Variants in YEATS4 observed in about 807,000 individuals in gnomAD.
YEATS4 encodes the protein YEATS domain containing 4.
In YEATS4, 17 loss-of-function variants were observed where a neutral mutation model predicts 30.1. The observed-to-expected ratio is 0.56, with a 90% CI of 0.39 to 0.85. The LOEUF is 0.85. Ranked by LOEUF, YEATS4 falls within the 40% of genes least tolerant of loss-of-function variation. The pLI, the probability that YEATS4 is intolerant of heterozygous loss-of-function variation, is 0.00. For synonymous variants in YEATS4, 85 were observed against 87.5 expected, an observed-to-expected ratio of 0.97 and a Z score of 0.16; for missense variants, 142 against 268.3, an observed-to-expected ratio of 0.53 and a Z score of 3.29.
chr12:69,387,745 T>C (rs1868268839), intron 6 of YEATS4, among the ~76,000 whole-genome samples: 1 of 152,202 alleles, frequency 6.6e-6, no homozygotes, highest in South Asian at 2.1e-4. Context: ...ATGCTTTGTA[T>C]ATCAGCAGAC....
intron 6 of YEATS4, among the ~76,000 whole-genome samples, chr12:69,381,045 T>G (rs1381713123): frequency 6.6e-6 from 1 of 152,206 alleles, no homozygotes; most frequent in South Asian, 2.1e-4. Flanking sequence ...ATATTGTCAT[T>G]GATAACATCT....
chr12:69,378,763 G>T (rs189472649), intron 6 of YEATS4, among the ~76,000 whole-genome samples: 1 of 151,864 alleles, frequency 6.6e-6, no homozygotes, highest in East Asian at 1.9e-4. Flanking sequence ...ATTTTTGATC[G>T]GTTCATCTTT....
At chr12:69,378,207 T>C (rs1875940745) in intron 6 of YEATS4, among the ~76,000 whole-genome samples, 1 of 152,158 alleles carries the variant, frequency 6.6e-6, no homozygotes, top group Non-Finnish European at 1.5e-5. Flanking sequence ...TTCATTTGCA[T>C]GCAATATCTT....
the YEATS4 span, among the ~76,000 whole-genome samples, chr12:69,397,030 C>T: frequency 1.3e-5 from 2 of 152,104 alleles, no homozygotes; most frequent in Admixed American, 6.6e-5. Context: ...CATGTAAAAG[C>T]GTGTTGAATG....
the YEATS4 span, among the ~76,000 whole-genome samples, chr12:69,402,036 G>A: frequency 2.6e-5 from 4 of 152,282 alleles, no homozygotes; most frequent in South Asian, 4.1e-4. Flanking sequence ...AAGAGGAGGC[G>A]TTAGTCTTGT....
At chr12:69,421,028 G>GT in the YEATS4 span, among the ~76,000 whole-genome samples, 1 of 152,026 alleles carries the variant, frequency 6.6e-6, no homozygotes, top group Non-Finnish European at 1.5e-5. Context: ...CCACATTTTG[G>GT]TTTTTGTTTT....
At chr12:69,425,198 C>T in the YEATS4 span, among the ~76,000 whole-genome samples, 1 of 152,170 alleles carries the variant, frequency 6.6e-6, no homozygotes, top group Non-Finnish European at 1.5e-5. Context: ...GCTGGGGTTA[C>T]AGGCATGAGC....
At chr12:69,372,301 T>C (rs938957994) in intron 6 of YEATS4, among the ~76,000 whole-genome samples, 3 of 152,210 alleles carry the variant, frequency 2.0e-5, no homozygotes, top group Non-Finnish European at 4.4e-5. Flanking sequence ...AAATGAGATA[T>C]CGATCACCTC....
chr12:69,363,023 TG>T (rs1875289168), intron 2 of YEATS4, 116 bp downstream of exon 2: 1 of 1,001,596 alleles, frequency 1.0e-6, no homozygotes, highest in Non-Finnish European at 1.3e-6. Context: ...GATGGAGTCT[TG>T]CTCTGTCGCC....
At chr12:69,377,011 AATG>A (rs1273590488) in intron 6 of YEATS4, among the ~76,000 whole-genome samples, 1 of 152,184 alleles carries the variant, frequency 6.6e-6, no homozygotes, top group African/African-American at 2.4e-5. Context: ...AGTGGCCACT[AATG>A]ATCCTTTGAA....
At chr12:69,371,080 T>A in intron 6 of YEATS4, 105 bp downstream of exon 6, 1 of 1,084,634 alleles carries the variant, frequency 9.2e-7, no homozygotes, top group Non-Finnish European at 1.3e-6. Context: ...AATAGGTAAG[T>A]TTTTTAGGTG....
chr12:69,383,379 C>T (rs1876154305), intron 6 of YEATS4, among the ~76,000 whole-genome samples: 2 of 152,020 alleles, frequency 1.3e-5, no homozygotes, highest in African/African-American at 4.8e-5. Flanking sequence ...GAAGTGTAGG[C>T]TGGAGACATA....
intron 6 of YEATS4, among the ~76,000 whole-genome samples, chr12:69,373,912 C>T (rs1000338295): frequency 6.6e-6 from 1 of 152,106 alleles, no homozygotes; most frequent in African/African-American, 2.4e-5. Flanking sequence ...ATTCTTGGCA[C>T]CTTTGTCAAA....
At chr12:69,395,680 A>G (rs1868346650), downstream of YEATS4, among the ~76,000 whole-genome samples, 1 of 152,240 alleles carries the variant, frequency 6.6e-6, no homozygotes, top group Non-Finnish European at 1.5e-5. Context: ...GGAAAAACAG[A>G]TGTCTTGATT....
At chr12:69,385,203 A>G (rs1351822912) in intron 6 of YEATS4, among the ~76,000 whole-genome samples, 3 of 150,798 alleles carry the variant, frequency 2.0e-5, no homozygotes, top group Non-Finnish European at 3.0e-5. Flanking sequence ...TTGTAGGGGC[A>G]GGTTTCTCCA....
chr12:69,369,736 T>A (rs914820717), intron 4 of YEATS4, among the ~76,000 whole-genome samples: 1 of 152,218 alleles, frequency 6.6e-6, no homozygotes. Context: ...TCATGCTCTC[T>A]TATTTTGCTG....
chr12:69,416,445 A>G, the YEATS4 span, among the ~76,000 whole-genome samples: 1 of 152,222 alleles, frequency 6.6e-6, no homozygotes, highest in Non-Finnish European at 1.5e-5. Context: ...AAATTCCAGA[A>G]CTCAACAACA....
rs569965993 is a variant in YEATS4, at chr12:69,360,102, T to C, written c.51+79T>C. On this transcript the variant is annotated intron_variant, in intron 1 of 6. Coordinates refer to ENST00000247843, the MANE Select transcript of YEATS4 (RefSeq NM_006530.4). The stretch of plus-strand genomic sequence containing the variant: ...CCTGCGCGGCGCGGGGAGGGCCCAC[T>C]GGGTTTCCTTTCGCGCCTTTTCTCC... The C allele has an allele frequency of 2.7e-6, 4 of 1,501,020 alleles. No individual in the cohort carries two copies. In the African/African-American group the frequency reaches 5.6e-5, roughly 21 times the overall value. The allele number at this position is 1,501,020 out of a possible 1,614,324, so 93.0% of individuals were successfully genotyped here.
At chr12:69,426,002 A>G in the YEATS4 span, among the ~76,000 whole-genome samples, 1 of 152,210 alleles carries the variant, frequency 6.6e-6, no homozygotes, top group Admixed American at 6.5e-5. Flanking sequence ...TGGGAGGCCA[A>G]GGCAGGAGGA....
Sources: allele counts gnomAD v4.1 joint callset (sites outside exome capture counted in the v4.1 genomes callset), GRCh38; gene constraint gnomAD v4.1.1; transcripts MANE v1.5; gene names NCBI Gene and HGNC (gene_info 2026-07-23, HGNC 2026-07-21).